Variants in GABRA4 observed in about 807,000 individuals in gnomAD.
GABRA4 encodes the protein gamma-aminobutyric acid receptor subunit alpha-4.
GABRA4 carries 12 observed loss-of-function variants against 49.7 expected under a neutral mutation model. The ratio of observed to expected loss-of-function variants is 0.24; its 90% confidence interval spans 0.15 to 0.39. The LOEUF (loss-of-function observed/expected upper bound fraction) is 0.39. Ranked by LOEUF, GABRA4 falls within the 10% of genes least tolerant of loss-of-function variation. The pLI is 1.00. For missense variants in GABRA4, 506 were observed against 686.0 expected (o/e 0.74, Z 2.93); for synonymous variants, 288 against 240.2 (o/e 1.20, Z -1.84).
At chr4:46,977,719 T>C in intron 3 of GABRA4, 89 bp from the exon 4 acceptor site, 1 of 865,564 alleles carries the variant, frequency 1.2e-6, no homozygotes, top group Non-Finnish European at 1.8e-6. Flanking sequence ...TCTTCCTTCA[T>C]GCTCATAAAA....
rs73813759 is a variant in GABRA4, at chr4:46,975,047, G to C, written c.578-672C>G. 1.7e-3 allele frequency among the ~76,000 whole-genome samples: 263 copies of C among 151,948 alleles called. 2 individuals are homozygous for C. The highest frequency in any genetic ancestry group is 5.7e-3 in the African/African-American group (235 of 41,484). The stretch of plus-strand genomic sequence containing the variant: ...CTTACATCTTCAACAAATCTCTCCC[G>C]GTGGCAATTTAAGCCCATTTTCTAT... On this transcript the variant is annotated intron_variant, in intron 5 of 8. Coordinates refer to ENST00000264318, the MANE Select transcript of GABRA4 (RefSeq NM_000809.4).
chr4:46,934,226 A>C lies in GABRA4; in HGVS notation c.1135-5471T>G, dbSNP rs186458057. On this transcript the variant is annotated intron_variant, in intron 8 of 8. Coordinates refer to ENST00000264318, the MANE Select transcript of GABRA4 (RefSeq NM_000809.4). ...ATATCAATGAGTCACATACTAAAAA[A>C]AAAGAATCTAGTAATATAAAGACAT... Among the ~76,000 whole-genome samples the C allele has an allele frequency of 2.4e-3, 373 of 152,314 alleles. 2 individuals carry two copies. The highest frequency in any genetic ancestry group is 8.8e-3 in the African/African-American group (366 of 41,576).
intron 2 of GABRA4, among the ~76,000 whole-genome samples, chr4:46,988,827 C>G (rs1180005536): frequency 6.6e-6 from 1 of 152,098 alleles, no homozygotes; most frequent in Non-Finnish European, 1.5e-5. Flanking sequence ...TAGCAATAAA[C>G]CAGCTGCCTG....
chr4:46,986,329 C>A (rs1312682190), intron 2 of GABRA4, among the ~76,000 whole-genome samples: 1 of 152,040 alleles, frequency 6.6e-6, no homozygotes, highest in Admixed American at 6.6e-5. Flanking sequence ...ACTGCTCCAT[C>A]AAAACAGTCA....
chr4:46,967,387 T>C (rs948340402), intron 7 of GABRA4, among the ~76,000 whole-genome samples: 1 of 151,544 alleles, frequency 6.6e-6, no homozygotes, highest in African/African-American at 2.4e-5. Flanking sequence ...CTATTTTTCT[T>C]GGTGATCAGA....
chr4:46,939,991 T>G lies in GABRA4; in HGVS notation c.1135-11236A>C, dbSNP rs143641456. ...ATAAATAGGCTTACATTTAGTTGAT[T>G]TATTCTACAGAAAACTGTATCTTAA... On this transcript the variant is annotated intron_variant, in intron 8 of 8. Transcript: ENST00000264318. 7.6e-3 allele frequency among the ~76,000 whole-genome samples: 1,150 copies of G among 152,176 alleles called. 12 individuals are homozygous for G. Among genetic ancestry groups the G allele is most frequent in the African/African-American group, 0.026 (1,090 of 41,546 alleles).
rs1721116403 is a variant in GABRA4 at position 46,923,794 on chromosome 4, C to T, written c.*4431G>A. Reference sequence around the variant, plus strand: ...AATTGCCACTAATCCTGATCAAATTCCATTCCTTCAGTAATTTACACAAAA... The same window carrying T: ...AATTGCCACTAATCCTGATCAAATTTCATTCCTTCAGTAATTTACACAAAA... On this transcript the variant is annotated 3_prime_UTR_variant, in exon 9 of 9. Coordinates refer to ENST00000264318, the MANE Select transcript of GABRA4 (RefSeq NM_000809.4). The T allele has an allele frequency of 6.6e-6, 1 of 152,036 alleles. No individual in the cohort carries two copies. Among genetic ancestry groups the T allele is most frequent in the Non-Finnish European group, 1.5e-5 (1 of 67,998 alleles). 9.4% of individuals were successfully genotyped at this position (152,036 alleles called of 1,614,324 possible). A position where few individuals can be genotyped will look rare whatever the true frequency, so the allele number is the denominator to read the frequency against.
Position 46,928,362 on chromosome 4 carries a change from G to A in GABRA4, c.1528C>T (p.Pro510Ser), listed in dbSNP as rs771431375. Residue 510 changes from proline (P) to serine (S), a missense_variant, in exon 9 of 9, where the codon CCT becomes TCT. By Grantham distance (74) the Pro-to-Ser change is moderately conservative (BLOSUM62 -1). This residue lies in a region of GABRA4 where 243 missense variants were observed against 210.8 expected (regional missense o/e 1.15). Transcript: ENST00000264318. ...ATTTTACTTGTGCCAGATCCAGAAG[G>A]TGGTGGAGCCGATGGAGGAGGAGTA... The part of the protein sequence containing the change: ...SATPPPSAPP[P>S]SGSGTSKIDK... 2.5e-6 allele frequency: 4 copies of A among 1,613,562 alleles called. No homozygotes were observed. The highest frequency in any genetic ancestry group is 2.7e-5 in the African/African-American group (2 of 74,878).
At chr4:46,955,102 A>T (rs1722295544) in intron 8 of GABRA4, among the ~76,000 whole-genome samples, 1 of 152,144 alleles carries the variant, frequency 6.6e-6, no homozygotes. Context: ...AATACATTTC[A>T]CAGCTTCTTC....
intron 8 of GABRA4, 87 bp downstream of exon 8, chr4:46,964,883 T>C: frequency 1.4e-6 from 2 of 1,385,250 alleles, no homozygotes; most frequent in Non-Finnish European, 2.0e-6. Context: ...GATATCAGGA[T>C]TTTTAAGTTC....
chr4:46,969,946 TC>T (rs1379417953), intron 7 of GABRA4, among the ~76,000 whole-genome samples: 2 of 151,360 alleles, frequency 1.3e-5, no homozygotes, highest in Non-Finnish European at 3.0e-5. Flanking sequence ...GATCACACCC[TC>T]CCTCCACCAT....
intron 8 of GABRA4, 123 bp from the exon 9 acceptor site, chr4:46,928,878 G>C: frequency 1.6e-6 from 1 of 637,006 alleles, no homozygotes. Context: ...TTAATAAGCT[G>C]TAGTCATCTT....
chr4:46,937,456 C>G (rs1410437152), intron 8 of GABRA4, among the ~76,000 whole-genome samples: 1 of 152,100 alleles, frequency 6.6e-6, no homozygotes, highest in African/African-American at 2.4e-5. Flanking sequence ...AAAAAACCAC[C>G]TCAACGTATC....
chr4:46,992,715 G>C, intron 2 of GABRA4, 113 bp downstream of exon 2: 3 of 799,450 alleles, frequency 3.8e-6, no homozygotes, highest in Non-Finnish European at 4.4e-6. Context: ...GAAAGAGAGA[G>C]AGATTTATTT....
At chr4:46,939,068 G>C (rs1210376366) in intron 8 of GABRA4, among the ~76,000 whole-genome samples, 1 of 151,922 alleles carries the variant, frequency 6.6e-6, no homozygotes, top group East Asian at 1.9e-4. Context: ...TTTTAAATAG[G>C]CAAAAGAGCT....
chr4:46,957,576 C>A (rs1722410666), intron 8 of GABRA4, among the ~76,000 whole-genome samples: 1 of 151,894 alleles, frequency 6.6e-6, no homozygotes, highest in Non-Finnish European at 1.5e-5. Context: ...ACAAGTTGTC[C>A]TGCTATGGAA....
At chr4:46,943,847 C>T (rs375882139) in intron 8 of GABRA4, among the ~76,000 whole-genome samples, 6 of 151,806 alleles carry the variant, frequency 4.0e-5, no homozygotes, top group African/African-American at 1.5e-4. Context: ...GATACATGTG[C>T]TGTTTTGTTA....
chr4:46,936,835 A>G (rs1360947505), intron 8 of GABRA4, among the ~76,000 whole-genome samples: 1 of 152,142 alleles, frequency 6.6e-6, no homozygotes, highest in East Asian at 1.9e-4. Context: ...TTTATCTCTT[A>G]TGTCAATTAT....
At chr4:46,931,117 G>A (rs1405069627) in intron 8 of GABRA4, among the ~76,000 whole-genome samples, 3 of 152,008 alleles carry the variant, frequency 2.0e-5, no homozygotes, top group Admixed American at 6.6e-5. Flanking sequence ...ATTTTACTAA[G>A]CAAAGATCAG....
Sources: gnomAD v4.1 joint callset for allele counts (sites outside exome capture counted in the v4.1 genomes callset) on GRCh38, gnomAD v4.1.1 for gene constraint, gnomAD v4.1.1 regional missense constraint, MANE v1.5 for transcripts, NCBI Gene and HGNC (gene_info 2026-07-23, HGNC 2026-07-21) for gene names.